Variants in C8A observed in about 807,000 individuals in gnomAD.
C8A encodes the protein complement C8 alpha chain.
A neutral mutation model predicts 65.3 loss-of-function variants in C8A; 67 were observed. The observed-to-expected ratio is 1.03, with a 90% CI of 0.84 to 1.26. The LOEUF is 1.26. Ranked by LOEUF, C8A falls within the 50% of genes most tolerant of loss-of-function variation. C8A has a pLI of 0.00. For synonymous variants in C8A, 290 were observed against 259.4 expected (o/e 1.12, Z -1.13); for missense variants, 781 against 723.9 (o/e 1.08, Z -0.90).
chr1:56,874,489 A>G (rs947497813), intron 2 of C8A, among the ~76,000 whole-genome samples: 10 of 152,186 alleles, frequency 6.6e-5, no homozygotes, highest in African/African-American at 2.4e-4. Flanking sequence ...CAAATAAGAC[A>G]TGGTCCTCTC....
In C8A at chr1:56,917,876, C is replaced by A; in HGVS notation, c.*160C>A. ...TAAGACTAGGTTTTGCTGTCTACAGCCAACTATTCTATTAGTTACAAAACT... is the reference window on the plus strand; with the variant it reads ...TAAGACTAGGTTTTGCTGTCTACAGACAACTATTCTATTAGTTACAAAACT... On this transcript the variant is annotated 3_prime_UTR_variant, in exon 11 of 11. Transcript: ENST00000361249. 1.3e-6 allele frequency: 1 copy of A among 759,902 alleles called. No individual in the cohort carries two copies. The highest frequency in any genetic ancestry group is 2.2e-6 in the Non-Finnish European group (1 of 464,928). 47.1% of individuals were successfully genotyped at this position (759,902 alleles called of 1,614,324 possible).
intron 6 of C8A, among the ~76,000 whole-genome samples, 188 bp downstream of exon 6, chr1:56,883,869 G>A (rs1644268650): frequency 6.6e-6 from 1 of 151,900 alleles, no homozygotes; most frequent in Non-Finnish European, 1.5e-5. Flanking sequence ...CATCACAAAG[G>A]AAATAAAATT....
chr1:56,885,921 T>C lies in C8A; in HGVS notation c.856-6T>C. On this transcript the variant is annotated splice_polypyrimidine_tract_variant and splice_region_variant and intron_variant, in intron 6 of 10. Coordinates refer to ENST00000361249, the MANE Select transcript of C8A (RefSeq NM_000562.3). ...TTTTGCTTTATTCAATGGCGGTTGC[T>C]GGCAGAAATTCATTTTCACAAGAAT... 6.2e-7 allele frequency: 1 copy of C among 1,613,898 alleles called. No individual in the cohort carries two copies. Among genetic ancestry groups the C allele is most frequent in the Non-Finnish European group, 8.5e-7 (1 of 1,179,894 alleles).
At chr1:56,883,357 A>G (rs778436285) in intron 5 of C8A, 124 bp from the exon 6 acceptor site, 35 of 809,932 alleles carry the variant, frequency 4.3e-5, no homozygotes, top group Non-Finnish European at 6.0e-5. Flanking sequence ...ATTGCCTTAT[A>G]AAAGAATTAC....
rs1471547257 is a variant in C8A, at chr1:56,876,174, T to C, written c.429T>C (p.Tyr143=). 6 of 1,613,800 alleles carry C rather than the reference T, an allele frequency of 3.7e-6. No individual in the cohort carries two copies. The highest frequency in any genetic ancestry group is 5.1e-6 in the Non-Finnish European group (6 of 1,179,868). ...CCATTGACGAAGACTGCAGCCAGTA[T>C]GAACCAATTCCAGGATCACAGAAGG... ...VRAIDEDCSQ[Y]EPIPGSQKAA... The change falls in exon 4 of 11, where the codon TAT becomes TAC. Residue 143 remains tyrosine (Y), a synonymous_variant. Transcript: ENST00000361249.
At position 56,854,836 on chromosome 1, in the gene C8A, C is replaced by T; in HGVS notation, c.-66C>T. 7.1e-7 allele frequency: 1 copy of T among 1,403,674 alleles called. No homozygotes were observed. Among genetic ancestry groups the T allele is most frequent in the Non-Finnish European group, 1.0e-6 (1 of 1,000,678 alleles). 87.0% of individuals were successfully genotyped at this position (1,403,674 alleles called of 1,614,324 possible). On this transcript the variant is annotated 5_prime_UTR_variant, in exon 1 of 11. Transcript: ENST00000361249. ...GGTCCCAGCCTGTAGACATCTTTTA[C>T]TCCAATTTCCTGAATAGATAGCTTT... is the stretch of plus-strand genomic sequence containing the variant.
intron 6 of C8A, among the ~76,000 whole-genome samples, chr1:56,885,439 A>AAATATATTTAC (rs1319825623): frequency 8.4e-6 from 1 of 119,470 alleles, no homozygotes; most frequent in African/African-American, 3.7e-5. Flanking sequence ...TATATATTTA[A>AAATATATTTAC]GTAAATATAT....
At chr1:56,902,017 T>C (rs1419099545) in intron 7 of C8A, among the ~76,000 whole-genome samples, 2 of 152,168 alleles carry the variant, frequency 1.3e-5, no homozygotes, top group Non-Finnish European at 1.5e-5. Flanking sequence ...CAAATGTTCT[T>C]AAAGTATTCT....
chr1:56,885,795 C>A (rs1346013540), intron 6 of C8A, 132 bp from the exon 7 acceptor site: 2 of 1,217,460 alleles, frequency 1.6e-6, no homozygotes, highest in East Asian at 5.0e-5. Context: ...TGTGATCCTC[C>A]AGCTTCTGCC....
intron 1 of C8A, among the ~76,000 whole-genome samples, chr1:56,855,503 G>C (rs1198969944): frequency 6.6e-6 from 1 of 152,126 alleles, no homozygotes; most frequent in African/African-American, 2.4e-5. Context: ...GGACTATAGA[G>C]ATGCTGGGTC....
chr1:56,883,567 A>T lies in C8A; in HGVS notation c.741A>T (p.Ser247=). 1.2e-6 allele frequency: 2 copies of T among 1,613,964 alleles called. No homozygotes were observed. Among genetic ancestry groups the T allele is most frequent in the Non-Finnish European group, 1.7e-6 (2 of 1,179,924 alleles). The change falls in exon 6 of 11, where the codon TCA becomes TCT. Residue 247 remains serine, a synonymous_variant. Transcript: ENST00000361249. ...AAGTTAAAAAAGACAAGTCTGACTC[A>T]TTTGGAGTGACCATCGGCATAGGCC... The part of the protein sequence containing the change: ...LSKVKKDKSD[S]FGVTIGIGPA...
chr1:56,918,003 G>T lies in C8A; in HGVS notation c.*287G>T. ...AAAAAATAAAGTAAAATAGAAAACT[G>T]AGAAAACTCAATCCATGACCAGGGA... is the stretch of plus-strand genomic sequence containing the variant. On this transcript the variant is annotated 3_prime_UTR_variant, in exon 11 of 11. Transcript: ENST00000361249. The T allele has an allele frequency of 3.1e-6, 1 of 320,896 alleles. No individual in the cohort carries two copies. The highest frequency in any genetic ancestry group is 5.8e-6 in the Non-Finnish European group (1 of 172,756). The allele number at this position is 320,896 out of a possible 1,614,324, so 19.9% of individuals were successfully genotyped here. A position where few individuals can be genotyped will look rare whatever the true frequency, so the allele number is the denominator to read the frequency against.
chr1:56,869,520 G>C (rs618238), intron 2 of C8A, among the ~76,000 whole-genome samples: 139,335 of 152,184 alleles, frequency 0.92, 63,966 homozygotes, highest in East Asian at 1. Flanking sequence ...CTTTTTTTCC[G>C]CTTAGGTAGA....
intron 7 of C8A, among the ~76,000 whole-genome samples, chr1:56,906,036 A>C (rs1355417623): frequency 6.6e-6 from 1 of 152,184 alleles, no homozygotes; most frequent in Non-Finnish European, 1.5e-5. Flanking sequence ...CGGAGTCTGA[A>C]GGGCAGGTAA....
At chr1:56,864,535 T>G (rs1644065646) in intron 1 of C8A, among the ~76,000 whole-genome samples, 2 of 152,080 alleles carry the variant, frequency 1.3e-5, no homozygotes, top group South Asian at 4.1e-4. Flanking sequence ...TATTCACAGG[T>G]GATTCATGAA....
intron 7 of C8A, among the ~76,000 whole-genome samples, 198 bp from the exon 8 acceptor site, chr1:56,906,469 C>G (rs1416561301): frequency 6.6e-6 from 1 of 152,174 alleles, no homozygotes; most frequent in South Asian, 2.1e-4. Flanking sequence ...CAACACATAT[C>G]TCTTCTCATT....
chr1:56,863,018 T>C (rs545644214), intron 1 of C8A, among the ~76,000 whole-genome samples: 1 of 151,996 alleles, frequency 6.6e-6, no homozygotes, highest in South Asian at 2.1e-4. Flanking sequence ...ATAAGGGGAG[T>C]GGAACAATGT....
chr1:56,916,504 C>T lies in C8A; in HGVS notation c.1604-1061C>T, dbSNP rs114450895. On this transcript the variant is annotated intron_variant, in intron 10 of 10. Transcript: ENST00000361249. ...GACAGAGAGCCTTGCTGTGGCTGCC[C>T]CATCAGGGAGTATAATTACAGAGCT... Among the ~76,000 whole-genome samples, 300 of 152,214 alleles carry T rather than the reference C, an allele frequency of 2.0e-3. 2 individuals carry two copies. The highest frequency in any genetic ancestry group is 3.9e-3 in the South Asian group (19 of 4,822).
chr1:56,869,322 A>C (rs1175652414), intron 2 of C8A, among the ~76,000 whole-genome samples: 1 of 152,196 alleles, frequency 6.6e-6, no homozygotes, highest in African/African-American at 2.4e-5. Context: ...CTCCATGTCC[A>C]TCCAAGTTGC....
Sources: allele counts gnomAD v4.1 joint callset (sites outside exome capture counted in the v4.1 genomes callset), GRCh38; gene constraint gnomAD v4.1.1; transcripts MANE v1.5; gene names NCBI Gene and HGNC (gene_info 2026-07-23, HGNC 2026-07-21).